Variants in ARHGAP15 observed in about 807,000 individuals in gnomAD.
ARHGAP15 encodes the protein rho GTPase-activating protein 15.
ARHGAP15 carries 51 observed loss-of-function variants against 63.7 expected under a neutral mutation model. The observed-to-expected ratio is 0.80, with a 90% CI of 0.64 to 1.01. The LOEUF (loss-of-function observed/expected upper bound fraction) is 1.01, where lower values mean the gene tolerates loss of function less well. ARHGAP15 is among the 50% of genes least tolerant of loss of function. The probability of loss-of-function intolerance (pLI) is 0.00; values close to 1 mark genes in which losing one functional copy is unlikely to be tolerated. For synonymous variants in ARHGAP15, 191 were observed against 193.8 expected (o/e 0.99, Z 0.12); for missense variants, 560 against 564.6 (o/e 0.99, Z 0.08).
chr2:143,496,616 A>T (rs757636169), intron 9 of ARHGAP15, among the ~76,000 whole-genome samples: 1 of 152,172 alleles, frequency 6.6e-6, no homozygotes, highest in Non-Finnish European at 1.5e-5. Context: ...ACTATACTTT[A>T]TGTGTTAGCA....
chr2:143,674,301 G>T (rs1682716897), intron 12 of ARHGAP15, among the ~76,000 whole-genome samples: 1 of 152,108 alleles, frequency 6.6e-6, no homozygotes. Context: ...TCAAAAATAA[G>T]GAACTGCCTC....
At chr2:143,627,960 T>G (rs567291135) in intron 12 of ARHGAP15, among the ~76,000 whole-genome samples, 32 of 152,084 alleles carry the variant, frequency 2.1e-4, no homozygotes, top group Non-Finnish European at 4.0e-4. Flanking sequence ...CAACAGTTTT[T>G]CAACTCTTGC....
At chr2:143,610,949 G>A (rs539615441) in intron 11 of ARHGAP15, among the ~76,000 whole-genome samples, 5 of 151,946 alleles carry the variant, frequency 3.3e-5, no homozygotes, top group Admixed American at 6.6e-5. Flanking sequence ...GGCTGGTCTC[G>A]AACTCCTCAC....
intron 2 of ARHGAP15, among the ~76,000 whole-genome samples, chr2:143,195,189 AAAAGAGGCTTAGGG>A (rs1470214813): frequency 1.3e-5 from 2 of 152,176 alleles, no homozygotes; most frequent in African/African-American, 2.4e-5. Context: ...ATAAACAATC[AAAAGAGGCTTAGGG>A]AAGAGCCCCC....
rs900644933 is a variant in ARHGAP15, at chr2:143,237,429, C to G, written c.384+8761C>G. The G allele has an allele frequency of 2.6e-5, 4 of 152,272 alleles. No individual in the cohort carries two copies. In the East Asian group the frequency reaches 7.7e-4, roughly 29 times the overall value. The allele number at this position is 152,272 out of a possible 1,614,324, so 9.4% of individuals were successfully genotyped here. ...ATTCTCATATGTCTCTGACCTCCAA[C>G]AGTATGGCCATTTCTAAAGACGTTC... On this transcript the variant is annotated intron_variant, in intron 5 of 13. Transcript: ENST00000295095.
At chr2:143,455,739 T>A (rs1690618335) in intron 8 of ARHGAP15, among the ~76,000 whole-genome samples, 1 of 152,100 alleles carries the variant, frequency 6.6e-6, no homozygotes, top group Non-Finnish European at 1.5e-5. Flanking sequence ...TTAAGAAATT[T>A]CGCATTTACA....
chr2:143,728,038 T>C (rs1439505684), intron 13 of ARHGAP15, among the ~76,000 whole-genome samples: 1 of 152,240 alleles, frequency 6.6e-6, no homozygotes, highest in African/African-American at 2.4e-5. Flanking sequence ...AATCCCAGAC[T>C]GTGTTAGTTT....
At chr2:143,312,685 A>C (rs1683505255) in intron 6 of ARHGAP15, among the ~76,000 whole-genome samples, 1 of 152,164 alleles carries the variant, frequency 6.6e-6, no homozygotes, top group Admixed American at 6.6e-5. Flanking sequence ...GCTAATTCAC[A>C]GTTCTTTTAA....
chr2:143,217,788 G>A (rs1238039792), intron 4 of ARHGAP15, among the ~76,000 whole-genome samples: 2 of 152,194 alleles, frequency 1.3e-5, no homozygotes, highest in African/African-American at 4.8e-5. Context: ...CAGCAGCCAT[G>A]TGGAATAAAG....
intron 11 of ARHGAP15, among the ~76,000 whole-genome samples, chr2:143,584,752 G>A (rs972142490): frequency 7.2e-5 from 11 of 152,118 alleles, no homozygotes; most frequent in Non-Finnish European, 1.2e-4. Flanking sequence ...TATTAGGTTG[G>A]TGCAAAAATA....
rs921156875 is a variant in ARHGAP15 at position 143,384,903 on chromosome 2, A to T, written c.475-50698A>T. Among the ~76,000 whole-genome samples the T allele has an allele frequency of 5.3e-5, 8 of 152,306 alleles. No homozygotes were observed. The East Asian group carries it at 1.2e-3, about 22-fold the overall frequency. ...AGCTTCAGTGCATTCAGAGAAAAAA[A>T]CTTTTCCCCTAATATCTTTACTTTG... is the stretch of plus-strand genomic sequence containing the variant. On this transcript the variant is annotated intron_variant, in intron 6 of 13. Transcript: ENST00000295095.
chr2:143,714,959 A>G (rs566318030), intron 13 of ARHGAP15, among the ~76,000 whole-genome samples: 2 of 152,268 alleles, frequency 1.3e-5, no homozygotes, highest in African/African-American at 4.8e-5. Context: ...TCTGCCTGTT[A>G]CCCAGTTCCA....
At chr2:143,661,012 G>A (rs1449925336) in intron 12 of ARHGAP15, among the ~76,000 whole-genome samples, 1 of 152,184 alleles carries the variant, frequency 6.6e-6, no homozygotes, top group Non-Finnish European at 1.5e-5. Context: ...CCATGTTCTT[G>A]CCTTTTCCAG....
intron 11 of ARHGAP15, among the ~76,000 whole-genome samples, chr2:143,597,172 G>T (rs1697553326): frequency 6.6e-6 from 1 of 151,930 alleles, no homozygotes; most frequent in Non-Finnish European, 1.5e-5. Context: ...AGAGTTTTGA[G>T]AATTTGTAAT....
intron 6 of ARHGAP15, among the ~76,000 whole-genome samples, chr2:143,286,980 G>A (rs1011081745): frequency 6.6e-6 from 1 of 152,068 alleles, no homozygotes; most frequent in Non-Finnish European, 1.5e-5. Context: ...TGTGGCACAT[G>A]GCTATATATA....
chr2:143,460,214 A>G (rs1178284228), intron 8 of ARHGAP15, among the ~76,000 whole-genome samples: 1 of 152,190 alleles, frequency 6.6e-6, no homozygotes, highest in Non-Finnish European at 1.5e-5. Context: ...ATGATGAGCA[A>G]GATTATTAGT....
At chr2:143,407,134 A>G (rs1010070815) in intron 6 of ARHGAP15, among the ~76,000 whole-genome samples, 2 of 151,910 alleles carry the variant, frequency 1.3e-5, no homozygotes, top group East Asian at 3.8e-4. Context: ...CTGAATATTG[A>G]AAGTTTATTT....
At chr2:143,696,614 C>CTT (rs2105406429) in intron 12 of ARHGAP15, among the ~76,000 whole-genome samples, 1 of 152,216 alleles carries the variant, frequency 6.6e-6, no homozygotes, top group East Asian at 1.9e-4. Context: ...AATCCATAAA[C>CTT]TTATGCCAAT....
intron 6 of ARHGAP15, among the ~76,000 whole-genome samples, chr2:143,265,440 A>G (rs912532049): frequency 1.3e-5 from 2 of 152,128 alleles, no homozygotes; most frequent in African/African-American, 4.8e-5. Flanking sequence ...TTGCTGATGG[A>G]AAAGCTCAAA....
Sources: allele counts gnomAD v4.1 joint callset (sites outside exome capture counted in the v4.1 genomes callset), GRCh38; gene constraint gnomAD v4.1.1; transcripts MANE v1.5; gene names NCBI Gene and HGNC (gene_info 2026-07-23, HGNC 2026-07-21).